HHLA2: variants seen among roughly 807,000 people sequenced by gnomAD.
The protein encoded by HHLA2 is HERV-H LTR-associating protein 2.
In HHLA2, 48 loss-of-function variants were observed where a neutral mutation model predicts 45.9. That is an observed-to-expected ratio of 1.05 (90% CI 0.83 to 1.33). HHLA2 has a LOEUF of 1.33. Ranked by LOEUF, HHLA2 falls within the 40% of genes most tolerant of loss-of-function variation. The probability of loss-of-function intolerance (pLI) is 0.00; values close to 1 mark genes in which losing one functional copy is unlikely to be tolerated. For missense variants in HHLA2, 462 were observed against 494.3 expected, an observed-to-expected ratio of 0.93 and a Z score of 0.62; for synonymous variants, 161 against 173.9, an observed-to-expected ratio of 0.93 and a Z score of 0.59.
At chr3:108,358,621 A>G (rs2081938160) in intron 7 of HHLA2, among the ~76,000 whole-genome samples, 1 of 152,204 alleles carries the variant, frequency 6.6e-6, no homozygotes, top group African/African-American at 2.4e-5. Context: ...CCAAGTATAT[A>G]TTCCTAGTTC....
chr3:108,377,578 TTAC>T (rs2082296409), exon 11 of HHLA2: 3 of 310,058 alleles, frequency 9.7e-6, no homozygotes, highest in African/African-American at 6.4e-5. Context: ...GCCCAGGAGG[TTAC>T]AGTGAGCTCT....
intron 8 of HHLA2, among the ~76,000 whole-genome samples, chr3:108,367,343 G>A (rs2107498250): frequency 6.6e-6 from 1 of 152,170 alleles, no homozygotes; most frequent in African/African-American, 2.4e-5. Context: ...CACAAAATTG[G>A]ACAGAGAAAG....
chr3:108,377,315 T>C, exon 11 of HHLA2: 1 of 1,510,750 alleles, frequency 6.6e-7, no homozygotes, highest in Non-Finnish European at 9.2e-7. Context: ...ATGACCTGCA[T>C]CCTTAATATC....
intron 2 of HHLA2, among the ~76,000 whole-genome samples, chr3:108,318,956 A>T (rs757161170): frequency 2.6e-5 from 4 of 152,184 alleles, no homozygotes; most frequent in Non-Finnish European, 5.9e-5. Flanking sequence ...CCACTTCGCA[A>T]ATAGCTCCAT....
At chr3:108,298,120 C>T (rs969323924) in intron 1 of HHLA2, among the ~76,000 whole-genome samples, 3 of 152,124 alleles carry the variant, frequency 2.0e-5, no homozygotes, top group Admixed American at 6.6e-5. Flanking sequence ...TAGCAGCGAC[C>T]CAGGGGCTAT....
At chr3:108,351,437 TATTC>T (rs1312925308) in intron 3 of HHLA2, among the ~76,000 whole-genome samples, 1 of 152,244 alleles carries the variant, frequency 6.6e-6, no homozygotes, top group African/African-American at 2.4e-5. Context: ...ACTAAATCTT[TATTC>T]ATTCAAGAGC....
At chr3:108,311,337 A>G (rs2081014994) in intron 2 of HHLA2, among the ~76,000 whole-genome samples, 1 of 152,210 alleles carries the variant, frequency 6.6e-6, no homozygotes, top group Admixed American at 6.5e-5. Context: ...TTTAATGCTT[A>G]CTTATGTTAT....
At chr3:108,358,286 G>C in intron 7 of HHLA2, 125 bp downstream of exon 6, 2 of 660,866 alleles carry the variant, frequency 3.0e-6, no homozygotes, top group Non-Finnish European at 4.9e-6. Flanking sequence ...ATAATCCACA[G>C]GGATATTTCT....
In HHLA2 at chr3:108,342,259, CTTTTT is replaced by C. The variant is rs58477416; in HGVS notation, c.-26-9512_-26-9508del. Reference sequence around the variant, plus strand: ...GCTGGCTCCTTTTTCTTCTTTCTCTCTTTTTTTTTTTTTTTTTTTTTGAGATGGAG... The same window carrying C: ...GCTGGCTCCTTTTTCTTCTTTCTCTCTTTTTTTTTTTTTTTTGAGATGGAG... On this transcript the variant is annotated intron_variant, in intron 3 of 10. Coordinates refer to ENST00000619531, the Ensembl canonical transcript of HHLA2. Among the ~76,000 whole-genome samples, 9 of 108,096 alleles carry C rather than the reference CTTTTT, an allele frequency of 8.3e-5. 1 individual carries two copies. The East Asian group carries it at 8.9e-4, about 11-fold the overall frequency. The allele number at this position is 108,096 out of a possible 152,430, so 70.9% of individuals were successfully genotyped here. A position where few individuals can be genotyped will look rare whatever the true frequency, so the allele number is the denominator to read the frequency against.
At chr3:108,375,365 T>C (rs1002664644) in intron 8 of HHLA2, among the ~76,000 whole-genome samples, 3 of 150,652 alleles carry the variant, frequency 2.0e-5, no homozygotes, top group Non-Finnish European at 4.4e-5. Context: ...CATTAGGAGA[T>C]ATACCTAATG....
chr3:108,336,959 TTCTC>T (rs149089576), intron 3 of HHLA2, among the ~76,000 whole-genome samples: 4,463 of 152,182 alleles, frequency 0.029, 194 homozygotes, highest in African/African-American at 0.099. Context: ...GCAAAATATT[TTCTC>T]TCCATATTTT....
rs1014412335 is a variant in HHLA2 at position 108,367,135 on chromosome 3, T to TAACA, written c.1108+4694_1108+4697dup. Among the ~76,000 whole-genome samples the TAACA allele has an allele frequency of 3.3e-5, 5 of 152,130 alleles. No individual in the cohort carries two copies. The East Asian group carries it at 7.7e-4, about 24-fold the overall frequency. On this transcript the variant is annotated intron_variant, in intron 8 of 10. Transcript: ENST00000619531. ...GGGTCCTGACTGTTAGAAGAAAAAC[T>TAACA]AACAAACAGAAAGCAGTAACATCAA...
At position 108,369,326 on chromosome 3, in the gene HHLA2, G is replaced by A. The variant is rs562139438; in HGVS notation, c.1109-6424G>A. ...ACAATGAAAAAAACTAGAGATTCACGGGGGGAGGAGCCAAGATGGCCGAAT... is the reference window on the plus strand; with the variant it reads ...ACAATGAAAAAAACTAGAGATTCACAGGGGGAGGAGCCAAGATGGCCGAAT... On this transcript the variant is annotated intron_variant, in intron 8 of 10. Coordinates refer to ENST00000619531, the Ensembl canonical transcript of HHLA2. Among the ~76,000 whole-genome samples the A allele has an allele frequency of 3.9e-5, 6 of 152,206 alleles. No individual in the cohort carries two copies. The East Asian group carries it at 7.7e-4, about 20-fold the overall frequency.
intron 3 of HHLA2, among the ~76,000 whole-genome samples, chr3:108,344,578 T>C (rs1301470158): frequency 6.6e-6 from 1 of 152,160 alleles, no homozygotes; most frequent in Non-Finnish European, 1.5e-5. Context: ...AAGAGTGCAC[T>C]GGCTTTCCAG....
At chr3:108,372,422 G>A (rs551391418) in intron 8 of HHLA2, among the ~76,000 whole-genome samples, 3 of 151,140 alleles carry the variant, frequency 2.0e-5, no homozygotes, top group Non-Finnish European at 3.0e-5. Context: ...AAGAACTAGA[G>A]AAGCAAGAGC....
chr3:108,376,428 G>T, intron 9 of HHLA2, 65 bp from the exon 9 acceptor site: 2 of 1,240,330 alleles, frequency 1.6e-6, no homozygotes, highest in South Asian at 1.4e-5. Flanking sequence ...ATTGAGATAG[G>T]ACTAAGGGAG....
chr3:108,328,998 T>G (rs116445386), intron 3 of HHLA2, among the ~76,000 whole-genome samples: 4,494 of 152,242 alleles, frequency 0.03, 203 homozygotes, highest in African/African-American at 0.099. Flanking sequence ...GTTGATTGTG[T>G]TTCTCTCCAC....
At chr3:108,315,624 T>C (rs1280278511) in intron 2 of HHLA2, among the ~76,000 whole-genome samples, 2 of 152,236 alleles carry the variant, frequency 1.3e-5, no homozygotes, top group East Asian at 1.9e-4. Context: ...ATAAGCCTCA[T>C]GGGAGAATAG....
chr3:108,304,881 A>C (rs2080905185), intron 1 of HHLA2, among the ~76,000 whole-genome samples: 1 of 152,170 alleles, frequency 6.6e-6, no homozygotes, highest in Non-Finnish European at 1.5e-5. Context: ...CACATTAGTA[A>C]ACTATTGATG....
Sources: allele counts gnomAD v4.1 joint callset (sites outside exome capture counted in the v4.1 genomes callset), GRCh38; gene constraint gnomAD v4.1.1; transcripts MANE v1.5; gene names NCBI Gene and HGNC (gene_info 2026-07-23, HGNC 2026-07-21).